Variants in SOX6 observed in about 807,000 individuals in gnomAD.
SOX6 encodes the protein transcription factor SOX-6.
A neutral mutation model predicts 97.8 loss-of-function variants in SOX6; 11 were observed. The ratio of observed to expected loss-of-function variants is 0.11; its 90% CI spans 0.07 to 0.19. The LOEUF is 0.19. Ranked by LOEUF, SOX6 falls within the 10% of genes least tolerant of loss-of-function variation. The probability of loss-of-function intolerance (pLI) is 1.00; values close to 1 mark genes in which losing one functional copy is unlikely to be tolerated. For missense variants in SOX6, 810 were observed against 1,039.5 expected, an observed-to-expected ratio of 0.78 and a Z score of 3.04; for synonymous variants, 360 against 371.4, an observed-to-expected ratio of 0.97 and a Z score of 0.35.
chr11:16,177,459 T>C (rs912073525), intron 6 of SOX6, among the ~76,000 whole-genome samples: 6 of 151,970 alleles, frequency 3.9e-5, no homozygotes, highest in African/African-American at 1.4e-4. Context: ...TTTTGGTGTA[T>C]ATACACTTCA....
chr11:16,727,323 C>T (rs1415355531), intron 2 of SOX6, among the ~76,000 whole-genome samples: 1 of 141,574 alleles, frequency 7.1e-6, no homozygotes, highest in African/African-American at 2.6e-5. Flanking sequence ...GGAGACTGCC[C>T]CATATCAGTA....
chr11:16,199,287 T>G (rs763003409), intron 4 of SOX6, among the ~76,000 whole-genome samples: 3 of 152,162 alleles, frequency 2.0e-5, no homozygotes, highest in African/African-American at 2.4e-5. Flanking sequence ...GAATTTGAAC[T>G]AAAAAACATT....
intron 6 of SOX6, among the ~76,000 whole-genome samples, chr11:16,182,468 A>C (rs920999038): frequency 2.0e-5 from 3 of 151,826 alleles, no homozygotes; most frequent in African/African-American, 7.2e-5. Flanking sequence ...AGCTACACTG[A>C]AAATTCTAAT....
intron 3 of SOX6, among the ~76,000 whole-genome samples, chr11:16,696,507 C>T (rs1410814128): frequency 2.6e-5 from 4 of 151,954 alleles, no homozygotes; most frequent in Non-Finnish European, 5.9e-5. Flanking sequence ...TTCAATAAAG[C>T]GAATGTCACA....
rs1160951389 is a variant in SOX6 at position 16,637,733 on chromosome 11, T to G, written n.430-25473A>C. Among the ~76,000 whole-genome samples, 5 of 152,130 alleles carry G rather than the reference T, an allele frequency of 3.3e-5. No homozygotes were observed. The East Asian group carries it at 9.6e-4, about 29-fold the overall frequency. Reference sequence around the variant, plus strand: ...CAAGGTCACGGATATGTCTGGATCCTAAGCTAATGAAGCCTTGGCCATCCT... The same window carrying G: ...CAAGGTCACGGATATGTCTGGATCCGAAGCTAATGAAGCCTTGGCCATCCT... On this transcript the variant is annotated intron_variant and non_coding_transcript_variant, in intron 3 of 5. Transcript: ENST00000524520.
At chr11:16,489,800 A>G (rs1000266225) in intron 4 of SOX6, among the ~76,000 whole-genome samples, 37 of 152,216 alleles carry the variant, frequency 2.4e-4, no homozygotes, top group African/African-American at 8.9e-4. Flanking sequence ...TTCACACTCT[A>G]CCAAAACAAC....
intron 4 of SOX6, among the ~76,000 whole-genome samples, chr11:16,223,842 C>A (rs1458012158): frequency 6.6e-6 from 1 of 152,030 alleles, no homozygotes; most frequent in Non-Finnish European, 1.5e-5. Context: ...TTTTTCTTCT[C>A]CATGTTAGCT....
intron 1 of SOX6, among the ~76,000 whole-genome samples, chr11:16,466,493 GCTT>G (rs1860034810): frequency 6.6e-6 from 1 of 152,052 alleles, no homozygotes; most frequent in African/African-American, 2.4e-5. Context: ...TAATTAAAGA[GCTT>G]CTGTGCAACA....
At chr11:16,505,555 A>C (rs1410322200) in intron 4 of SOX6, among the ~76,000 whole-genome samples, 1 of 152,236 alleles carries the variant, frequency 6.6e-6, no homozygotes, top group African/African-American at 2.4e-5. Flanking sequence ...TTTCCTGGGG[A>C]GGAATTCAAG....
At chr11:16,128,480 T>C (rs1382690360) in intron 6 of SOX6, among the ~76,000 whole-genome samples, 1 of 152,144 alleles carries the variant, frequency 6.6e-6, no homozygotes, top group Non-Finnish European at 1.5e-5. Flanking sequence ...TGGCTTATAA[T>C]AAAAGTAAGG....
chr11:16,536,538 C>G (rs1861310916), intron 4 of SOX6, among the ~76,000 whole-genome samples: 1 of 152,186 alleles, frequency 6.6e-6, no homozygotes, highest in Non-Finnish European at 1.5e-5. Context: ...CGGGGATCTC[C>G]CTTTCATAGC....
rs191266113 is a variant in SOX6, at chr11:16,703,150, G to A, written n.429+11680C>T. ...ATATGCATAGCATGGTTTACTACAT[G>A]ATCGAATCACACTGATCAGTGTGAT... On this transcript the variant is annotated intron_variant and non_coding_transcript_variant, in intron 3 of 5. Transcript: ENST00000524520. 4.2e-3 allele frequency among the ~76,000 whole-genome samples: 636 copies of A among 151,778 alleles called. 4 individuals carry two copies. The highest frequency in any genetic ancestry group is 0.015 in the African/African-American group (615 of 41,458).
chr11:16,670,016 G>A (rs141930376), intron 3 of SOX6, among the ~76,000 whole-genome samples: 4 of 152,252 alleles, frequency 2.6e-5, no homozygotes, highest in African/African-American at 2.4e-5. Context: ...CTACCACAGG[G>A]TGAGGAGTCC....
intron 3 of SOX6, among the ~76,000 whole-genome samples, chr11:16,615,540 C>T (rs1425033719): frequency 6.6e-6 from 1 of 152,120 alleles, no homozygotes; most frequent in African/African-American, 2.4e-5. Context: ...TAGGAGTTGT[C>T]ACTATTCAGT....
intron 12 of SOX6, among the ~76,000 whole-genome samples, chr11:16,035,080 CAA>C (rs1464822255): frequency 1.3e-5 from 2 of 152,192 alleles, no homozygotes; most frequent in African/African-American, 4.8e-5. Flanking sequence ...TGAACATTCA[CAA>C]AGTTTGCTCA....
At chr11:16,494,204 C>G (rs1161931056) in intron 4 of SOX6, among the ~76,000 whole-genome samples, 1 of 151,920 alleles carries the variant, frequency 6.6e-6, no homozygotes, top group Non-Finnish European at 1.5e-5. Context: ...TGGTGAAACC[C>G]CATCTCCACT....
At chr11:16,528,646 G>A (rs1366075528) in intron 4 of SOX6, among the ~76,000 whole-genome samples, 1 of 152,108 alleles carries the variant, frequency 6.6e-6, no homozygotes, top group African/African-American at 2.4e-5. Flanking sequence ...GTGAAAAAGA[G>A]GGGAACGTCT....
chr11:16,600,441 G>A (rs1026791292), intron 4 of SOX6, among the ~76,000 whole-genome samples: 1 of 152,152 alleles, frequency 6.6e-6, no homozygotes, highest in Non-Finnish European at 1.5e-5. Flanking sequence ...GAACTGAATC[G>A]ATACTGCTTC....
In SOX6 at chr11:16,026,920, T is replaced by C. The variant is rs150822895; in HGVS notation, c.1624-11870A>G. Among the ~76,000 whole-genome samples, 370 of 152,256 alleles carry C rather than the reference T, an allele frequency of 2.4e-3. 1 individual carries two copies. The highest frequency in any genetic ancestry group is 7.9e-3 in the African/African-American group (330 of 41,558). On this transcript the variant is annotated intron_variant, in intron 12 of 15. Transcript: ENST00000683767. Reference sequence around the variant, plus strand: ...AACGCTTTTCAAAACAGTACTCCAATATGGCACCATTACAAAAGACAAAAG... The same window carrying C: ...AACGCTTTTCAAAACAGTACTCCAACATGGCACCATTACAAAAGACAAAAG...
Sources: allele counts gnomAD v4.1 joint callset (sites outside exome capture counted in the v4.1 genomes callset), GRCh38; gene constraint gnomAD v4.1.1; transcripts MANE v1.5; gene names NCBI Gene and HGNC (gene_info 2026-07-23, HGNC 2026-07-21).